Variants in AMBRA1 observed in about 807,000 individuals in gnomAD.
The protein encoded by AMBRA1 is activating molecule in BECN1-regulated autophagy protein 1.
A neutral mutation model predicts 125.4 loss-of-function variants in AMBRA1; 47 were observed. That is an observed-to-expected ratio of 0.37 (90% CI 0.30 to 0.48). AMBRA1 has a LOEUF of 0.48. AMBRA1 is among the 20% of genes least tolerant of loss of function. AMBRA1 has a pLI of 0.99. For synonymous variants in AMBRA1, 626 were observed against 655.5 expected, an observed-to-expected ratio of 0.95 and a Z score of 0.69; for missense variants, 1,331 against 1,693.4, an observed-to-expected ratio of 0.79 and a Z score of 3.76.
chr11:46,544,567 G>A (rs1952908271), intron 5 of AMBRA1, among the ~76,000 whole-genome samples: 1 of 152,126 alleles, frequency 6.6e-6, no homozygotes, highest in Admixed American at 6.5e-5. Flanking sequence ...TTGATCTTGA[G>A]GACTAAATAA....
chr11:46,434,340 A>C (rs1295613620), intron 13 of AMBRA1, among the ~76,000 whole-genome samples: 4 of 151,998 alleles, frequency 2.6e-5, no homozygotes, highest in African/African-American at 4.8e-5. Flanking sequence ...AAAAACAAAA[A>C]ACACTTAAAT....
intron 11 of AMBRA1, among the ~76,000 whole-genome samples, chr11:46,444,928 G>A (rs561986976): frequency 2.6e-5 from 4 of 152,120 alleles, no homozygotes; most frequent in Admixed American, 2.6e-4. Flanking sequence ...TCTTGTCTTT[G>A]TCTCATTTTC....
At chr11:46,497,642 G>C (rs1950684697) in intron 9 of AMBRA1, among the ~76,000 whole-genome samples, 2 of 152,170 alleles carry the variant, frequency 1.3e-5, no homozygotes, top group Non-Finnish European at 2.9e-5. Context: ...AACCAAACCA[G>C]CTCAAACATT....
intron 1 of AMBRA1, among the ~76,000 whole-genome samples, chr11:46,572,453 T>C (rs2043800539): frequency 6.6e-6 from 1 of 152,192 alleles, no homozygotes; most frequent in Admixed American, 6.5e-5. Context: ...AAGTCCAAGT[T>C]TTCTCATTTA....
intron 12 of AMBRA1, 36 bp from the exon 13 acceptor site, chr11:46,435,073 C>T (rs1947656813): frequency 4.6e-6 from 7 of 1,537,754 alleles, no homozygotes; most frequent in Non-Finnish European, 6.1e-6. Flanking sequence ...GGATAAGAAA[C>T]TTTGGAGTTG....
chr11:46,575,456 T>TAA (rs772887807), intron 1 of AMBRA1, among the ~76,000 whole-genome samples: 10 of 118,972 alleles, frequency 8.4e-5, no homozygotes, highest in South Asian at 2.7e-4. Context: ...AAACTCTGTC[T>TAA]AAAAAAAAAA....
chr11:46,400,490 TTTTTTTTTTTTTTTTTTTTGA>T (rs1565116903), intron 17 of AMBRA1, among the ~76,000 whole-genome samples: 1 of 79,274 alleles, frequency 1.3e-5, no homozygotes, highest in African/African-American at 6.3e-5. Context: ...TTTTTTTTTT[TTTTTTTTTTTTTTTTTTTTGA>T]GACCAGGTCT....
intron 11 of AMBRA1, among the ~76,000 whole-genome samples, chr11:46,471,712 C>T (rs1308933260): frequency 6.6e-6 from 1 of 151,742 alleles, no homozygotes; most frequent in East Asian, 2.0e-4. Flanking sequence ...ACTGCAACCT[C>T]CACCTCCGAG....
At chr11:46,491,454 T>C (rs1203595134) in intron 11 of AMBRA1, 2 of 152,226 alleles carry the variant, frequency 1.3e-5, no homozygotes, top group Admixed American at 6.5e-5. Flanking sequence ...CTCCCTAGTA[T>C]ATAGCAAGTG....
At chr11:46,525,656 CAGA>C (rs1247717177) in intron 7 of AMBRA1, among the ~76,000 whole-genome samples, 1 of 151,886 alleles carries the variant, frequency 6.6e-6, no homozygotes, top group Non-Finnish European at 1.5e-5. Context: ...GTGGCTGAGG[CAGA>C]AGAATCATTT....
chr11:46,422,163 C>T (rs1435349542), intron 14 of AMBRA1, among the ~76,000 whole-genome samples: 1 of 152,266 alleles, frequency 6.6e-6, no homozygotes, highest in East Asian at 1.9e-4. Context: ...GGGCTGAATA[C>T]AAAACCCAGC....
intron 11 of AMBRA1, among the ~76,000 whole-genome samples, chr11:46,477,228 A>C (rs1287389752): frequency 6.6e-6 from 1 of 152,154 alleles, no homozygotes; most frequent in African/African-American, 2.4e-5. Context: ...ACACTAGCTC[A>C]ATCTCATCAC....
Position 46,503,400 on chromosome 11 carries a change from T to C in AMBRA1, c.2339+4791A>G, listed in dbSNP as rs550782054. Among the ~76,000 whole-genome samples the C allele has an allele frequency of 2.6e-5, 4 of 152,354 alleles. 1 individual carries two copies. The East Asian group carries it at 7.7e-4, about 29-fold the overall frequency. On this transcript the variant is annotated intron_variant, in intron 9 of 17. Transcript: ENST00000683756. ...TTACAATTAAGCTTATTGTCTTATA[T>C]GATTGTGGTTCACAGTGCCCCAAAA...
chr11:46,488,914 T>G (rs1950362531), intron 11 of AMBRA1, among the ~76,000 whole-genome samples: 1 of 152,136 alleles, frequency 6.6e-6, no homozygotes, highest in Non-Finnish European at 1.5e-5. Context: ...TTTTTTGTTT[T>G]TTTGTGTTTT....
At chr11:46,434,716 T>C in intron 13 of AMBRA1, 133 bp downstream of exon 13, 1 of 968,402 alleles carries the variant, frequency 1.0e-6, no homozygotes, top group Non-Finnish European at 1.5e-6. Flanking sequence ...GCAATCTTTC[T>C]CTGGCCTGTG....
intron 15 of AMBRA1, among the ~76,000 whole-genome samples, chr11:46,415,472 G>C (rs1459970172): frequency 6.6e-6 from 1 of 152,234 alleles, no homozygotes; most frequent in Non-Finnish European, 1.5e-5. Flanking sequence ...ATAGTAAAGT[G>C]AGGAATTCTA....
At chr11:46,467,445 A>C (rs894893962) in intron 11 of AMBRA1, among the ~76,000 whole-genome samples, 7 of 152,074 alleles carry the variant, frequency 4.6e-5, no homozygotes, top group Non-Finnish European at 8.8e-5. Context: ...TAGAAGAGAA[A>C]TGTTCTTGTC....
intron 1 of AMBRA1, among the ~76,000 whole-genome samples, chr11:46,568,987 A>C (rs2043648624): frequency 6.6e-6 from 1 of 151,496 alleles, no homozygotes; most frequent in African/African-American, 2.4e-5. Context: ...TTGTATTTTT[A>C]GTAGAGACAG....
chr11:46,555,454 A>G (rs371988729), intron 1 of AMBRA1, among the ~76,000 whole-genome samples: 2 of 152,016 alleles, frequency 1.3e-5, no homozygotes, highest in African/African-American at 4.8e-5. Context: ...TTGTTATGAG[A>G]CTCCAAATAA....
Sources: allele counts gnomAD v4.1 joint callset (sites outside exome capture counted in the v4.1 genomes callset), GRCh38; gene constraint gnomAD v4.1.1; transcripts MANE v1.5; gene names NCBI Gene and HGNC (gene_info 2026-07-23, HGNC 2026-07-21).